The following SERINC5 variants were observed in gnomAD, a reference collection of about 807,000 sequenced individuals.
SERINC5 encodes the protein chromosome 5 open reading frame 12.
Under a neutral mutation model 63.1 loss-of-function variants are expected in SERINC5, and 41 were observed. That is an observed-to-expected ratio of 0.65 (90% CI 0.51 to 0.84). The LOEUF is 0.84. SERINC5 is among the 40% of genes least tolerant of loss of function. SERINC5 has a pLI of 0.00. For missense variants in SERINC5, 523 were observed against 573.0 expected (o/e 0.91, Z 0.89); for synonymous variants, 222 against 215.2 (o/e 1.03, Z -0.28).
chr5:80,255,113 A>G lies in SERINC5; in HGVS notation c.27+783T>C, dbSNP rs139147468. 8.3e-4 allele frequency: 126 copies of G among 152,394 alleles called. 1 individual carries two copies. The highest frequency in any genetic ancestry group is 2.9e-3 in the African/African-American group (121 of 41,588). 9.4% of individuals were successfully genotyped at this position (152,394 alleles called of 1,614,324 possible). A position where few individuals can be genotyped will look rare whatever the true frequency, so the allele number is the denominator to read the frequency against. The stretch of plus-strand genomic sequence containing the variant: ...CGTTTTTTCTAACTCTGCAGGAAGG[A>G]GTGAAACCAGCATTACAGGGCTAAG... On this transcript the variant is annotated intron_variant, in intron 1 of 11. Coordinates refer to ENST00000507668, the MANE Select transcript of SERINC5 (RefSeq NM_001174072.3).
chr5:80,185,770 T>C (rs962066691), intron 2 of SERINC5, among the ~76,000 whole-genome samples: 7 of 152,064 alleles, frequency 4.6e-5, no homozygotes, highest in African/African-American at 1.5e-4. Flanking sequence ...TTTCACAAGG[T>C]AATGTCATCA....
At chr5:80,229,169 G>A (rs910263023) in intron 1 of SERINC5, among the ~76,000 whole-genome samples, 2 of 150,752 alleles carry the variant, frequency 1.3e-5, no homozygotes, top group African/African-American at 4.9e-5. Context: ...GATTACAGGC[G>A]CATGCCACCA....
At chr5:80,216,791 G>A (rs571326585) in intron 1 of SERINC5, among the ~76,000 whole-genome samples, 5 of 152,006 alleles carry the variant, frequency 3.3e-5, no homozygotes, top group African/African-American at 1.2e-4. Flanking sequence ...TGGGTAGATC[G>A]CTTGAGTCCA....
rs70982028 is a variant in SERINC5, at chr5:80,181,416, T to TTGTGTGTGTGTGTG, written c.196-3366_196-3353dup. Among the ~76,000 whole-genome samples, 134 of 145,446 alleles carry TTGTGTGTGTGTGTG rather than the reference T, an allele frequency of 9.2e-4. 2 individuals carry two copies. The highest frequency in any genetic ancestry group is 3.3e-3 in the African/African-American group (129 of 39,444). ...CATGCACCACCAAGCTCAGCTAATT[T>TTGTGTGTGTGTGTG]TGTGTGTGTGTGTGTGTGTGTGTGT... On this transcript the variant is annotated intron_variant, in intron 2 of 11. Coordinates refer to ENST00000507668, the MANE Select transcript of SERINC5 (RefSeq NM_001174072.3).
chr5:80,162,011 A>G (rs1285848562), intron 7 of SERINC5, among the ~76,000 whole-genome samples: 2 of 152,212 alleles, frequency 1.3e-5, no homozygotes, highest in Non-Finnish European at 2.9e-5. Flanking sequence ...GTCAAAGACC[A>G]GATGGCTATA....
rs191364174 is a variant in SERINC5 at position 80,203,277 on chromosome 5, T to C, written c.28-224A>G. On this transcript the variant is annotated intron_variant, in intron 1 of 11. Coordinates refer to ENST00000507668, the MANE Select transcript of SERINC5 (RefSeq NM_001174072.3). ...ATACACATATATATATATATGTGTA[T>C]ATATATTTATATATATTGAGACAGT... The C allele has an allele frequency of 8.1e-4, 144 of 178,240 alleles. 1 individual carries two copies. The highest frequency in any genetic ancestry group is 3.4e-3 in the African/African-American group (140 of 41,290). The allele number at this position is 178,240 out of a possible 1,614,324, so 11.0% of individuals were successfully genotyped here. A position where few individuals can be genotyped will look rare whatever the true frequency, so the allele number is the denominator to read the frequency against.
At chr5:80,145,120 C>T (rs1464412441) in intron 11 of SERINC5, among the ~76,000 whole-genome samples, 1 of 151,796 alleles carries the variant, frequency 6.6e-6, no homozygotes, top group African/African-American at 2.4e-5. Context: ...GCAGGTGGAT[C>T]ACAAGGTCAG....
chr5:80,238,033 G>A (rs1215157384), intron 1 of SERINC5, among the ~76,000 whole-genome samples: 1 of 149,850 alleles, frequency 6.7e-6, no homozygotes, highest in South Asian at 2.1e-4. Context: ...GAACCCGGGA[G>A]GCAGAGATTG....
At chr5:80,178,640 A>G (rs1748213196) in intron 2 of SERINC5, among the ~76,000 whole-genome samples, 1 of 143,686 alleles carries the variant, frequency 7.0e-6, no homozygotes, top group Non-Finnish European at 1.5e-5. Flanking sequence ...TTCGCATCCC[A>G]AAGTGCTGGG....
intron 2 of SERINC5, among the ~76,000 whole-genome samples, chr5:80,198,019 T>C (rs956412588): frequency 2.0e-5 from 3 of 152,070 alleles, no homozygotes; most frequent in African/African-American, 7.2e-5. Flanking sequence ...TTTGTATTTT[T>C]AGTAGAGATG....
At chr5:80,194,827 A>T (rs1749403940) in intron 2 of SERINC5, among the ~76,000 whole-genome samples, 1 of 152,194 alleles carries the variant, frequency 6.6e-6, no homozygotes, top group Non-Finnish European at 1.5e-5. Flanking sequence ...TAGTTGCACA[A>T]ACAGGAGATG....
At chr5:80,202,380 GA>G (rs1749893641) in intron 2 of SERINC5, among the ~76,000 whole-genome samples, 3 of 152,158 alleles carry the variant, frequency 2.0e-5, no homozygotes, top group African/African-American at 7.2e-5. Flanking sequence ...GACATAAACA[GA>G]CGATTGTGAT....
intron 8 of SERINC5, among the ~76,000 whole-genome samples, chr5:80,154,810 T>C (rs1257454623): frequency 6.6e-6 from 1 of 152,170 alleles, no homozygotes; most frequent in Non-Finnish European, 1.5e-5. Flanking sequence ...GGTTCAATAT[T>C]AAGAATTATT....
intron 2 of SERINC5, among the ~76,000 whole-genome samples, chr5:80,185,165 G>A (rs753499868): frequency 8.5e-5 from 13 of 152,048 alleles, no homozygotes; most frequent in Non-Finnish European, 1.5e-4. Context: ...GTGAGCCACC[G>A]CATGCAGGCT....
At chr5:80,180,492 T>C (rs1748347336) in intron 2 of SERINC5, among the ~76,000 whole-genome samples, 1 of 152,140 alleles carries the variant, frequency 6.6e-6, no homozygotes, top group Non-Finnish European at 1.5e-5. Flanking sequence ...TCAACCCAAA[T>C]GAGAGACTGA....
At chr5:80,247,513 G>A (rs890740784) in intron 1 of SERINC5, among the ~76,000 whole-genome samples, 8 of 152,154 alleles carry the variant, frequency 5.3e-5, no homozygotes, top group African/African-American at 1.9e-4. Context: ...GCAGTCCAAA[G>A]CTATTTGTCA....
rs773264648 is a variant in SERINC5, at chr5:80,175,020, C to T, written c.485G>A (p.Gly162Asp). The change falls in exon 5 of 12, where the codon GGC (glycine) becomes GAC (aspartate). Residue 162 changes from glycine to aspartate, a missense_variant. Gly to Asp is a moderately conservative substitution (Grantham distance 94). Transcript: ENST00000507668. ...NAWRYVGAVG[G>D]FLFIGIQLLL... ...GAGCTGGATGCCAATGAAGAGGAAG[C>T]CTCCGACGGCTCCCACATAGCGCCA... is the stretch of plus-strand genomic sequence containing the variant. 1 of 1,599,734 alleles carries T rather than the reference C, an allele frequency of 6.3e-7. No homozygotes were observed. Among genetic ancestry groups the T allele is most frequent in the South Asian group, 1.1e-5 (1 of 88,364 alleles).
intron 1 of SERINC5, among the ~76,000 whole-genome samples, chr5:80,251,856 T>C (rs1382838127): frequency 1.9e-5 from 1 of 52,418 alleles, no homozygotes; most frequent in Non-Finnish European, 4.4e-5. Context: ...TACTAGAATG[T>C]TGGCGCATCT....
At chr5:80,177,105 C>T (rs542475522) in intron 4 of SERINC5, among the ~76,000 whole-genome samples, 2 of 152,242 alleles carry the variant, frequency 1.3e-5, no homozygotes, top group African/African-American at 4.8e-5. Flanking sequence ...CTCTTACACC[C>T]TACCTGGAAG....
Sources: gnomAD v4.1 joint callset for allele counts (sites outside exome capture counted in the v4.1 genomes callset) on GRCh38, gnomAD v4.1.1 for gene constraint, MANE v1.5 for transcripts, NCBI Gene and HGNC (gene_info 2026-07-23, HGNC 2026-07-21) for gene names.